The following FBXL2 variants were observed in gnomAD, a reference collection of about 807,000 sequenced individuals.
FBXL2 encodes F-box/LRR-repeat protein 2.
Under a neutral mutation model 69.2 loss-of-function variants are expected in FBXL2, and 38 were observed. That is an observed-to-expected ratio of 0.55 (90% CI 0.42 to 0.72). FBXL2 has a LOEUF of 0.72. Among genes scored for constraint, FBXL2 ranks in the 30% least tolerant of loss-of-function variants. The pLI, the probability that FBXL2 is intolerant of heterozygous loss-of-function variation, is 0.00. For synonymous variants in FBXL2, 192 were observed against 201.3 expected (o/e 0.95, Z 0.39); for missense variants, 354 against 520.3 (o/e 0.68, Z 3.11).
At chr3:33,396,356 G>A in intron 12 of FBXL2, 1 of 1,077,042 alleles carries the variant, frequency 9.3e-7, no homozygotes. Flanking sequence ...ACAACTACAG[G>A]AATCTAAGTT....
At chr3:33,380,217 CTG>C (rs1432800645) in intron 13 of FBXL2, among the ~76,000 whole-genome samples, 1 of 140,808 alleles carries the variant, frequency 7.1e-6, no homozygotes. Context: ...GAGTGAGACT[CTG>C]TCTCAAAAAA....
chr3:33,412,913 T>A, the FBXL2 span: 1 of 869,286 alleles, frequency 1.2e-6, no homozygotes, highest in Non-Finnish European at 2.0e-6. Flanking sequence ...TGTTAACCTG[T>A]AGCAGTAGAA....
the FBXL2 span, among the ~76,000 whole-genome samples, chr3:33,421,173 C>T: frequency 6.6e-6 from 1 of 152,232 alleles, no homozygotes; most frequent in Non-Finnish European, 1.5e-5. Context: ...GCTATGTGTA[C>T]TCCACCCTCT....
intron 1 of FBXL2, among the ~76,000 whole-genome samples, chr3:33,281,668 A>C (rs1482178488): frequency 1.3e-5 from 2 of 152,178 alleles, no homozygotes; most frequent in Admixed American, 1.3e-4. Context: ...CGAACAGTGT[A>C]AAAGTGTTCC....
chr3:33,315,883 A>G (rs1486772816), intron 2 of FBXL2, among the ~76,000 whole-genome samples: 2 of 151,768 alleles, frequency 1.3e-5, no homozygotes, highest in African/African-American at 4.8e-5. Context: ...GTTTTTCTTA[A>G]TGGAGATGTA....
intron 12 of FBXL2, chr3:33,396,335 G>A: frequency 1.5e-6 from 2 of 1,299,538 alleles, no homozygotes; most frequent in Non-Finnish European, 2.2e-6. Flanking sequence ...CCTTACACAT[G>A]TACAAATATG....
chr3:33,342,359 A>G (rs1235166951), intron 2 of FBXL2, among the ~76,000 whole-genome samples: 1 of 151,278 alleles, frequency 6.6e-6, no homozygotes, highest in Non-Finnish European at 1.5e-5. Flanking sequence ...TAAAATATAT[A>G]TATATTAAAA....
chr3:33,289,941 A>G (rs1183437907), intron 1 of FBXL2: 1 of 255,948 alleles, frequency 3.9e-6, no homozygotes, highest in Non-Finnish European at 6.1e-6. Flanking sequence ...CTTTATGATT[A>G]TCTAGGCTTT....
chr3:33,337,364 A>C (rs79745764), intron 2 of FBXL2, among the ~76,000 whole-genome samples: 1,728 of 152,308 alleles, frequency 0.011, 19 homozygotes, highest in Admixed American at 0.013. Flanking sequence ...AAAAACCCCC[A>C]AAATGGCCAA....
chr3:33,302,340 TG>T (rs2036367800), intron 2 of FBXL2, among the ~76,000 whole-genome samples: 1 of 152,186 alleles, frequency 6.6e-6, no homozygotes. Context: ...GTGTGACACC[TG>T]ATTTACAACT....
intron 9 of FBXL2, among the ~76,000 whole-genome samples, chr3:33,374,198 A>T (rs1268162652): frequency 6.6e-6 from 1 of 152,194 alleles, no homozygotes; most frequent in Non-Finnish European, 1.5e-5. Context: ...TAGGGACGCT[A>T]TTGAGGAATG....
intron 12 of FBXL2, chr3:33,396,429 T>C: frequency 1.8e-6 from 1 of 571,364 alleles, no homozygotes; most frequent in Non-Finnish European, 3.0e-6. Flanking sequence ...CTAATAAAAA[T>C]ATAAAAACCA....
chr3:33,395,433 G>A (rs938066740), intron 12 of FBXL2, among the ~76,000 whole-genome samples: 18 of 151,990 alleles, frequency 1.2e-4, no homozygotes, highest in African/African-American at 4.3e-4. Flanking sequence ...GAAAATATAT[G>A]CCTTTTAAAA....
chr3:33,392,754 G>A (rs74604795), downstream of FBXL2: 12,375 of 745,288 alleles, frequency 0.017, 166 homozygotes, highest in Middle Eastern at 0.064. Context: ...GCAGTGTGAG[G>A]CAGCAAAGAT....
At chr3:33,300,390 A>G (rs978566323) in intron 2 of FBXL2, 3 of 152,346 alleles carry the variant, frequency 2.0e-5, no homozygotes, top group Admixed American at 2.0e-4. Context: ...GGAGGTTGTC[A>G]TCACTACTTA....
At chr3:33,321,700 C>A (rs2125796828) in intron 2 of FBXL2, among the ~76,000 whole-genome samples, 1 of 152,188 alleles carries the variant, frequency 6.6e-6, no homozygotes, top group East Asian at 1.9e-4. Flanking sequence ...TATTGCATAT[C>A]TAGGCTGTAT....
chr3:33,396,780 C>G, intron 12 of FBXL2: 1 of 626,668 alleles, frequency 1.6e-6, no homozygotes, highest in Non-Finnish European at 3.0e-6. Context: ...GCAACAAACC[C>G]AGTCGTCTTC....
At chr3:33,321,756 C>T (rs1019072367) in intron 2 of FBXL2, among the ~76,000 whole-genome samples, 3 of 152,178 alleles carry the variant, frequency 2.0e-5, no homozygotes, top group African/African-American at 7.2e-5. Context: ...TGACATGTTA[C>T]TGTACTGAAT....
intron 2 of FBXL2, among the ~76,000 whole-genome samples, chr3:33,336,979 C>T (rs554493559): frequency 1.6e-4 from 24 of 151,680 alleles, no homozygotes; most frequent in Admixed American, 2.6e-4. Context: ...CCGAGGTGGG[C>T]GGATTGCCTG....
Sources: allele counts gnomAD v4.1 joint callset (sites outside exome capture counted in the v4.1 genomes callset), GRCh38; gene constraint gnomAD v4.1.1; transcripts MANE v1.5; gene names NCBI Gene and HGNC (gene_info 2026-07-23, HGNC 2026-07-21).